The following UBA6 variants were observed in gnomAD, a reference collection of about 807,000 sequenced individuals.
UBA6 encodes ubiquitin-like modifier-activating enzyme 6.
UBA6 carries 87 observed loss-of-function variants against 148.3 expected under a neutral mutation model. The observed-to-expected ratio is 0.59, with a 90% CI of 0.49 to 0.70. The LOEUF (loss-of-function observed/expected upper bound fraction) is 0.70. Ranked by LOEUF, UBA6 falls within the 30% of genes least tolerant of loss-of-function variation. The pLI is 0.00. For synonymous variants in UBA6, 376 were observed against 401.0 expected, an observed-to-expected ratio of 0.94 and a Z score of 0.75; for missense variants, 1,186 against 1,241.2, an observed-to-expected ratio of 0.96 and a Z score of 0.67.
chr4:67,649,785 T>A (rs1385552493), intron 13 of UBA6, among the ~76,000 whole-genome samples: 4 of 152,160 alleles, frequency 2.6e-5, no homozygotes, highest in African/African-American at 4.8e-5. Context: ...GAAAACTGAA[T>A]TTTAGATCTA....
At chr4:67,670,661 A>C in intron 7 of UBA6, 69 bp from the exon 8 acceptor site, 2 of 1,170,230 alleles carry the variant, frequency 1.7e-6, no homozygotes, top group Non-Finnish European at 2.5e-6. Flanking sequence ...ATCTTAGGCC[A>C]TTTCATAACA....
intron 20 of UBA6, 141 bp from the exon 21 acceptor site, chr4:67,634,659 T>TTAA: frequency 1.8e-6 from 1 of 544,496 alleles, no homozygotes; most frequent in Non-Finnish European, 3.1e-6. Context: ...ATCTTCTCTC[T>TTAA]CTTAGGCAAT....
chr4:67,671,497 G>T (rs1730147836), intron 7 of UBA6, among the ~76,000 whole-genome samples: 1 of 150,166 alleles, frequency 6.7e-6, no homozygotes, highest in South Asian at 2.1e-4. Flanking sequence ...TTTTTTTAAA[G>T]TTTAACTCTA....
intron 6 of UBA6, among the ~76,000 whole-genome samples, chr4:67,676,723 G>C (rs1730289613): frequency 6.6e-6 from 1 of 152,132 alleles, no homozygotes; most frequent in Non-Finnish European, 1.5e-5. Flanking sequence ...TTAGCTAACT[G>C]TTCATTTGTG....
Position 67,616,653 on chromosome 4 carries a change from T to G in UBA6, c.*2344A>C, listed in dbSNP as rs988366557. 6.6e-6 allele frequency: 1 copy of G among 152,178 alleles called. No homozygotes were observed. Among genetic ancestry groups the G allele is most frequent in the East Asian group, 1.9e-4 (1 of 5,202 alleles). The allele number at this position is 152,178 out of a possible 1,614,324, so 9.4% of individuals were successfully genotyped here. A position where few individuals can be genotyped will look rare whatever the true frequency, so the allele number is the denominator to read the frequency against. ...ATTTCCTGGAGCCATCTGAGGACAT[T>G]TGAGGTAATGTCCTTCCACACCTAA... On this transcript the variant is annotated 3_prime_UTR_variant, in exon 33 of 33. Transcript: ENST00000322244.
At chr4:67,632,119 A>G (rs1214037208) in intron 23 of UBA6, among the ~76,000 whole-genome samples, 3 of 152,168 alleles carry the variant, frequency 2.0e-5, no homozygotes, top group Non-Finnish European at 4.4e-5. Flanking sequence ...AAAAATTCAA[A>G]TATCATTTTC....
chr4:67,639,066 A>G lies in UBA6; in HGVS notation c.1613T>C (p.Ile538Thr). 1 of 1,613,604 alleles carries G rather than the reference A, an allele frequency of 6.2e-7. No individual in the cohort carries two copies. Among genetic ancestry groups the G allele is most frequent in the South Asian group, 1.1e-5 (1 of 91,060 alleles). ...ATLKINSQIK[I>T]DAHLNKVCPT... ...ACATACTTTGTTCAGGTGTGCATCT[A>G]TCTTTATTTGAGAATTTATTTTCAG... is the stretch of plus-strand genomic sequence containing the variant. Residue 538 changes from isoleucine to threonine, a missense_variant, in exon 19 of 33, where the codon ATA (isoleucine) becomes ACA (threonine). Transcript: ENST00000322244.
chr4:67,628,462 TA>T (rs1454930802), intron 27 of UBA6, among the ~76,000 whole-genome samples: 3 of 151,870 alleles, frequency 2.0e-5, no homozygotes, highest in African/African-American at 7.2e-5. Context: ...AGGTTTCTGC[TA>T]AAATGTTACT....
chr4:67,685,227 TTTC>T (rs376080628), intron 2 of UBA6, among the ~76,000 whole-genome samples: 103 of 152,338 alleles, frequency 6.8e-4, no homozygotes, highest in African/African-American at 2.2e-3. Flanking sequence ...TATACTTTTA[TTTC>T]TTGATTTTTT....
At chr4:67,672,361 T>C (rs575445498) in intron 7 of UBA6, among the ~76,000 whole-genome samples, 1 of 152,278 alleles carries the variant, frequency 6.6e-6, no homozygotes, top group African/African-American at 2.4e-5. Context: ...CTCTGCCGCC[T>C]AAGATAATCA....
chr4:67,646,958 A>G lies in UBA6; in HGVS notation c.1249-167T>C, dbSNP rs887907412. ...TTAAAAATATATAATATACATTTCT[A>G]TATCTCTCATTAAAATAATGGTAAA... On this transcript the variant is annotated intron_variant, in intron 14 of 32. Transcript: ENST00000322244. Among the ~76,000 whole-genome samples the G allele has an allele frequency of 3.3e-5, 5 of 152,052 alleles. No individual in the cohort carries two copies. In the East Asian group the frequency reaches 5.8e-4, roughly 18 times the overall value.
At position 67,616,194 on chromosome 4, in the gene UBA6, T is replaced by C. The variant is rs922812871; in HGVS notation, c.*2803A>G. 5.0e-6 allele frequency: 2 copies of C among 396,474 alleles called. No homozygotes were observed. The highest frequency in any genetic ancestry group is 8.8e-5 in the Admixed American group (2 of 22,626). The allele number at this position is 396,474 out of a possible 1,614,324, so 24.6% of individuals were successfully genotyped here. On this transcript the variant is annotated 3_prime_UTR_variant, in exon 33 of 33. Transcript: ENST00000322244. ...TTTCAGAGAAAGCATTCAGATTATA[T>C]GTTTTTGAATCTATGAAAAGTAAAA...
rs967391427 is a variant in UBA6 at position 67,616,179 on chromosome 4, A to G, written c.*2818T>C. ...CTCTGATTTTTTTTTTTTCAGAGAA[A>G]GCATTCAGATTATATGTTTTTGAAT... On this transcript the variant is annotated 3_prime_UTR_variant, in exon 33 of 33. Transcript: ENST00000322244. The G allele has an allele frequency of 1.3e-5, 5 of 396,734 alleles. No individual in the cohort carries two copies. Among genetic ancestry groups the G allele is most frequent in the African/African-American group, 8.2e-5 (4 of 48,534 alleles). The allele number at this position is 396,734 out of a possible 1,614,324, so 24.6% of individuals were successfully genotyped here.
intron 23 of UBA6, 90 bp from the exon 24 acceptor site, chr4:67,631,998 A>C (rs1729010548): frequency 1.7e-6 from 2 of 1,177,062 alleles, no homozygotes; most frequent in Non-Finnish European, 2.4e-6. Flanking sequence ...TGTGTAGTAA[A>C]TATATGCACA....
chr4:67,631,871 C>G lies in UBA6; in HGVS notation c.2180G>C (p.Arg727Pro). 1 of 1,611,538 alleles carries G rather than the reference C, an allele frequency of 6.2e-7. No homozygotes were observed. Among genetic ancestry groups the G allele is most frequent in the Non-Finnish European group, 8.5e-7 (1 of 1,178,924 alleles). The change falls in exon 24 of 33, where the codon CGA (arginine) becomes CCA (proline). Residue 727 changes from arginine (R) to proline (P), a missense_variant. Transcript: ENST00000322244. Reference protein sequence around the residue: ...QLLHCFPLDIRLKDGSLFWQS... With the variant: ...QLLHCFPLDIPLKDGSLFWQS... ...TTTATACTTACTGCCATCTTTTAAT[C>G]GTATGTCCAGAGGGAAACAGTGAAG...
chr4:67,670,440 T>C (rs760329751), intron 8 of UBA6, 30 bp downstream of exon 8: 64 of 1,540,354 alleles, frequency 4.2e-5, no homozygotes, highest in Non-Finnish European at 5.4e-5. Flanking sequence ...TAACAAAATT[T>C]ATTTTAAAAG....
intron 13 of UBA6, among the ~76,000 whole-genome samples, chr4:67,657,982 A>T (rs1184621213): frequency 1.3e-5 from 2 of 152,202 alleles, no homozygotes; most frequent in African/African-American, 4.8e-5. Context: ...ATGCAAATCA[A>T]AACCACAATG....
rs542873265 is a variant in UBA6, at chr4:67,666,712, C to A, written c.794-1420G>T. ...GCAAAATAGAGAGATCTTGTCTCTA[C>A]AAAAATAAAAAAGTTAGCCAGGTGT... On this transcript the variant is annotated intron_variant, in intron 9 of 32. Coordinates refer to ENST00000322244, the MANE Select transcript of UBA6 (RefSeq NM_018227.6). Among the ~76,000 whole-genome samples, 22 of 151,630 alleles carry A rather than the reference C, an allele frequency of 1.5e-4. No homozygotes were observed. The South Asian group carries it at 1.5e-3, about 10-fold the overall frequency.
intron 18 of UBA6, among the ~76,000 whole-genome samples, chr4:67,639,635 A>C (rs1729254947): frequency 1.3e-5 from 2 of 152,172 alleles, no homozygotes; most frequent in Non-Finnish European, 2.9e-5. Flanking sequence ...AAAACAGTCC[A>C]GTAGTTCCTC....
Sources: gnomAD v4.1 joint callset for allele counts (sites outside exome capture counted in the v4.1 genomes callset) on GRCh38, gnomAD v4.1.1 for gene constraint, MANE v1.5 for transcripts, NCBI Gene and HGNC (gene_info 2026-07-23, HGNC 2026-07-21) for gene names.